Variants in ANKRD28 observed in about 807,000 individuals in gnomAD.
The protein encoded by ANKRD28 is serine/threonine-protein phosphatase 6 regulatory ankyrin repeat subunit A.
ANKRD28 carries 44 observed loss-of-function variants against 126.5 expected under a neutral mutation model. The observed-to-expected ratio is 0.35, with a 90% CI of 0.27 to 0.45. The LOEUF (loss-of-function observed/expected upper bound fraction) is 0.45. ANKRD28 is among the 20% of genes least tolerant of loss of function. The probability of loss-of-function intolerance (pLI) is 1.00; values close to 1 mark genes in which losing one functional copy is unlikely to be tolerated. For missense variants in ANKRD28, 1,110 were observed against 1,316.6 expected (o/e 0.84, Z 2.43); for synonymous variants, 442 against 468.5 (o/e 0.94, Z 0.73).
chr3:15,784,831 C>T (rs1488567265), intron 2 of ANKRD28, among the ~76,000 whole-genome samples: 1 of 151,890 alleles, frequency 6.6e-6, no homozygotes, highest in Non-Finnish European at 1.5e-5. Context: ...TCTGAGAATA[C>T]AGCAGAGTAG....
rs7651694 is a variant in ANKRD28, at chr3:15,816,062, C to T, written c.28-20756G>A. Among the ~76,000 whole-genome samples the T allele has an allele frequency of 0.051, 7,743 of 152,146 alleles. 653 individuals carry two copies. The highest frequency in any genetic ancestry group is 0.17 in the African/African-American group (7,229 of 41,460). On this transcript the variant is annotated intron_variant, in intron 1 of 27. Transcript: ENST00000399451. The surrounding 1 kb of genome is among the most constrained non-coding windows in gnomAD (Gnocchi z 5.0). The stretch of plus-strand genomic sequence containing the variant: ...AATAGTCAAGCTCAAAACAATATCA[C>T]GAGCGTATTTCTGACTGATTGAAAA...
chr3:15,741,178 G>A (rs922091092), intron 4 of ANKRD28, among the ~76,000 whole-genome samples: 6 of 151,320 alleles, frequency 4.0e-5, no homozygotes, highest in South Asian at 2.1e-4. Flanking sequence ...CAGCTTGGGC[G>A]ACAGAGCGAG....
At position 15,706,410 on chromosome 3, in the gene ANKRD28, G is replaced by A. The variant is rs191132616; in HGVS notation, c.1547+1514C>T. Among the ~76,000 whole-genome samples the A allele has an allele frequency of 6.7e-3, 757 of 113,062 alleles. 5 individuals carry two copies. Among genetic ancestry groups the A allele is most frequent in the Middle Eastern group, 0.025 (5 of 198 alleles). 74.2% of individuals were successfully genotyped at this position (113,062 alleles called of 152,430 possible). On this transcript the variant is annotated intron_variant, in intron 14 of 27. Coordinates refer to ENST00000683139, the MANE Select transcript of ANKRD28 (RefSeq NM_001349278.2). ...CAGCTTCATCCATGTTCCTACAAAG[G>A]ACATAAACTCCTCCTTTTTTATGGC...
At chr3:15,803,419 C>A (rs2060504884) in intron 1 of ANKRD28, among the ~76,000 whole-genome samples, 1 of 151,920 alleles carries the variant, frequency 6.6e-6, no homozygotes, top group African/African-American at 2.4e-5. Context: ...GAGTTTGAGA[C>A]CAGCCTGACC....
In ANKRD28 at chr3:15,677,577, T is replaced by G; in HGVS notation, c.2708-15A>C. The G allele has an allele frequency of 1.3e-6, 2 of 1,579,172 alleles. No homozygotes were observed. Among genetic ancestry groups the G allele is most frequent in the Non-Finnish European group, 1.7e-6 (2 of 1,149,310 alleles). ...AACCAGCATCTCTGGGAGGAAAAAGTGCATCAATTCTTATGTTTATGAACA... is the reference window on the plus strand; with the variant it reads ...AACCAGCATCTCTGGGAGGAAAAAGGGCATCAATTCTTATGTTTATGAACA... On this transcript the variant is annotated splice_polypyrimidine_tract_variant and intron_variant, in intron 24 of 27. Coordinates refer to ENST00000683139, the MANE Select transcript of ANKRD28 (RefSeq NM_001349278.2).
chr3:15,811,379 T>A (rs1297528768), intron 1 of ANKRD28, among the ~76,000 whole-genome samples: 1 of 152,150 alleles, frequency 6.6e-6, no homozygotes, highest in African/African-American at 2.4e-5. Context: ...AAATAGTATT[T>A]GTGAAATAAA....
intron 2 of ANKRD28, among the ~76,000 whole-genome samples, chr3:15,790,598 A>G (rs1277436103): frequency 6.6e-6 from 1 of 152,124 alleles, no homozygotes; most frequent in African/African-American, 2.4e-5. Context: ...ATATCCCTTC[A>G]TGATAAAAAC....
At chr3:15,756,598 A>C in intron 3 of ANKRD28, 2,106 of 680,338 alleles carry the variant, frequency 3.1e-3, no homozygotes, top group Non-Finnish European at 3.5e-3. Context: ...ACGTGATCTC[A>C]TAATGGCTGT....
At chr3:15,707,873 T>A in intron 14 of ANKRD28, 51 bp downstream of exon 14, 1 of 1,573,808 alleles carries the variant, frequency 6.4e-7, no homozygotes, top group Non-Finnish European at 8.7e-7. Context: ...ATATGGAAGA[T>A]GCCAGTTTAT....
chr3:15,689,067 T>C (rs2068481272), intron 18 of ANKRD28, among the ~76,000 whole-genome samples: 1 of 152,236 alleles, frequency 6.6e-6, no homozygotes, highest in Admixed American at 6.5e-5. Context: ...TAAGTGATGA[T>C]AGTCTTGTTG....
chr3:15,727,365 G>C (rs543041417), intron 6 of ANKRD28, among the ~76,000 whole-genome samples: 4 of 151,588 alleles, frequency 2.6e-5, no homozygotes, highest in South Asian at 2.1e-4. Flanking sequence ...TCAGCAGTTC[G>C]AGACCAGCCT....
At chr3:15,776,781 AAGG>A (rs1266221377) in intron 2 of ANKRD28, among the ~76,000 whole-genome samples, 1 of 152,236 alleles carries the variant, frequency 6.6e-6, no homozygotes, top group Non-Finnish European at 1.5e-5. Flanking sequence ...AAAAAGTTAA[AAGG>A]AGGAGGAAAA....
chr3:15,851,898 TAAAGA>T (rs2061659814), intron 1 of ANKRD28, among the ~76,000 whole-genome samples: 1 of 152,078 alleles, frequency 6.6e-6, no homozygotes, highest in African/African-American at 2.4e-5. Flanking sequence ...GATGAATGGA[TAAAGA>T]AAATATGGTA....
intron 1 of ANKRD28, among the ~76,000 whole-genome samples, chr3:15,810,081 T>C (rs1035041001): frequency 3.9e-5 from 6 of 152,140 alleles, no homozygotes; most frequent in Admixed American, 2.0e-4. Flanking sequence ...CTTTAACCTA[T>C]AGAATTTTAA....
intron 1 of ANKRD28, among the ~76,000 whole-genome samples, chr3:15,832,759 C>T (rs1369365374): frequency 1.3e-5 from 2 of 152,188 alleles, no homozygotes; most frequent in African/African-American, 4.8e-5. Flanking sequence ...CCAATTCCAT[C>T]CATGTTTGCT....
Position 15,669,003 on chromosome 3 carries a change from A to C in ANKRD28, c.*1267T>G, listed in dbSNP as rs1050115461. Reference sequence around the variant, plus strand: ...CACAAATCTTTATTTAAAAGCCGAAATATCAGCCTTCTCTCTCTCTTTTGC... The same window carrying C: ...CACAAATCTTTATTTAAAAGCCGAACTATCAGCCTTCTCTCTCTCTTTTGC... On this transcript the variant is annotated 3_prime_UTR_variant, in exon 28 of 28. Transcript: ENST00000683139. 2.4e-4 allele frequency: 36 copies of C among 152,606 alleles called. No homozygotes were observed. Among genetic ancestry groups the C allele is most frequent in the African/African-American group, 8.7e-4 (36 of 41,452 alleles). 9.5% of individuals were successfully genotyped at this position (152,606 alleles called of 1,614,324 possible). A position where few individuals can be genotyped will look rare whatever the true frequency, so the allele number is the denominator to read the frequency against.
chr3:15,847,090 C>T (rs2061547177), intron 1 of ANKRD28, among the ~76,000 whole-genome samples: 2 of 152,178 alleles, frequency 1.3e-5, no homozygotes, highest in African/African-American at 4.8e-5. Flanking sequence ...CATCATTCAG[C>T]AGGTCTAATA....
chr3:15,801,398 T>C (rs2060462881), upstream of ANKRD28, among the ~76,000 whole-genome samples: 1 of 152,190 alleles, frequency 6.6e-6, no homozygotes, highest in African/African-American at 2.4e-5. This position sits in a 1 kb window ranked among gnomAD's most constrained non-coding sequence, Gnocchi z 4.9. Flanking sequence ...CTTACACATC[T>C]GTGAACTCCG....
At chr3:15,766,405 C>T (rs1289398129) in intron 2 of ANKRD28, 93 bp from the exon 3 acceptor site, 2 of 850,418 alleles carry the variant, frequency 2.4e-6, no homozygotes, top group East Asian at 2.7e-5. Context: ...CCTCCCCCCA[C>T]CAAACCATTA....
Sources: gnomAD v4.1 joint callset for allele counts (sites outside exome capture counted in the v4.1 genomes callset) on GRCh38, gnomAD v4.1.1 for gene constraint, Gnocchi (gnomAD v3.1) non-coding constraint, MANE v1.5 for transcripts, NCBI Gene and HGNC (gene_info 2026-07-23, HGNC 2026-07-21) for gene names.